The following AXDND1 variants were observed in gnomAD, a reference collection of about 807,000 sequenced individuals.
The protein encoded by AXDND1 is axonemal dynein light chain domain-containing protein 1.
AXDND1 carries 110 observed loss-of-function variants against 137.5 expected under a neutral mutation model. The observed-to-expected ratio is 0.80, with a 90% CI of 0.69 to 0.94. The LOEUF is 0.94. Among genes scored for constraint, AXDND1 ranks in the 40% least tolerant of loss-of-function variants. The pLI is 0.00. For missense variants in AXDND1, 1,191 were observed against 1,169.8 expected (o/e 1.02, Z -0.26); for synonymous variants, 414 against 399.7 (o/e 1.04, Z -0.43).
intron 12 of AXDND1, among the ~76,000 whole-genome samples, chr1:179,421,705 C>T (rs1655766086): frequency 1.3e-5 from 2 of 151,886 alleles, no homozygotes; most frequent in South Asian, 4.2e-4. Flanking sequence ...CTTATTTAGT[C>T]TAGCTAAAGC....
intron 15 of AXDND1, among the ~76,000 whole-genome samples, chr1:179,438,080 A>G (rs1247254948): frequency 6.6e-6 from 1 of 152,206 alleles, no homozygotes; most frequent in African/African-American, 2.4e-5. Flanking sequence ...TGAACCTGAG[A>G]GGCAGAGGTT....
chr1:179,396,592 G>A (rs551372605), intron 11 of AXDND1, among the ~76,000 whole-genome samples: 5 of 151,770 alleles, frequency 3.3e-5, no homozygotes, highest in African/African-American at 9.7e-5. Context: ...AGGTTGCAGT[G>A]AGCCGAGACT....
chr1:179,437,003 T>C (rs989576271), intron 15 of AXDND1, among the ~76,000 whole-genome samples: 5 of 150,388 alleles, frequency 3.3e-5, no homozygotes, highest in Non-Finnish European at 7.4e-5. Context: ...CTCTACTGTA[T>C]ATTACATTGT....
chr1:179,520,875 T>C (rs1669988352), intron 21 of AXDND1, among the ~76,000 whole-genome samples: 2 of 148,374 alleles, frequency 1.3e-5, no homozygotes, highest in Admixed American at 1.4e-4. Flanking sequence ...TATACAGTTA[T>C]ATATATATAC....
chr1:179,464,484 G>A (rs1662837822), intron 16 of AXDND1, among the ~76,000 whole-genome samples: 1 of 152,102 alleles, frequency 6.6e-6, no homozygotes, highest in African/African-American at 2.4e-5. Flanking sequence ...CAAGAGATCC[G>A]CTTTTAATCT....
At chr1:179,466,000 A>G (rs533400423) in intron 16 of AXDND1, among the ~76,000 whole-genome samples, 80 of 151,952 alleles carry the variant, frequency 5.3e-4, no homozygotes, top group African/African-American at 1.9e-3. Flanking sequence ...GAGTGTCCCA[A>G]TTTTCCAGGT....
chr1:179,474,216 C>CA (rs66935956), intron 17 of AXDND1, among the ~76,000 whole-genome samples: 1,510 of 91,844 alleles, frequency 0.016, 3 homozygotes, highest in Middle Eastern at 0.04. Context: ...GACTCCACCT[C>CA]AAAAAAAAAA....
intron 11 of AXDND1, among the ~76,000 whole-genome samples, chr1:179,398,857 C>T (rs1458485266): frequency 1.4e-5 from 2 of 143,496 alleles, no homozygotes; most frequent in Non-Finnish European, 3.0e-5. Flanking sequence ...GGATCAAAGC[C>T]TTGTGGCAGG....
At chr1:179,463,484 C>G (rs1326870969) in intron 16 of AXDND1, among the ~76,000 whole-genome samples, 1 of 152,158 alleles carries the variant, frequency 6.6e-6, no homozygotes, top group African/African-American at 2.4e-5. Context: ...GTCTGAGAGA[C>G]AGTTTGTTAT....
chr1:179,443,364 A>G lies in AXDND1; in HGVS notation c.1564-1606A>G, dbSNP rs188077478. ...GCTTTTAAGGACAAATTGGACTTTTAAAATTAATAACATCTTTTTTTATTG... is the reference window on the plus strand; with the variant it reads ...GCTTTTAAGGACAAATTGGACTTTTGAAATTAATAACATCTTTTTTTATTG... On this transcript the variant is annotated intron_variant, in intron 15 of 25. Transcript: ENST00000367618. Among the ~76,000 whole-genome samples, 806 of 152,340 alleles carry G rather than the reference A, an allele frequency of 5.3e-3. 9 individuals carry two copies. The highest frequency in any genetic ancestry group is 0.019 in the African/African-American group (782 of 41,566).
rs558374007 is a variant in AXDND1, at chr1:179,466,810, A to C, written c.1799-1633A>C. ...TTGAGACTCTGGATGATACTATATT[A>C]CATAAGAAGGATTTTACTTTTTATT... On this transcript the variant is annotated intron_variant, in intron 16 of 25. Coordinates refer to ENST00000367618, the MANE Select transcript of AXDND1 (RefSeq NM_144696.6). Among the ~76,000 whole-genome samples the C allele has an allele frequency of 3.9e-5, 6 of 152,300 alleles. No individual in the cohort carries two copies. The South Asian group carries it at 8.3e-4, about 21-fold the overall frequency.
chr1:179,458,302 A>G (rs961345347), intron 16 of AXDND1, among the ~76,000 whole-genome samples: 1 of 152,070 alleles, frequency 6.6e-6, no homozygotes, highest in Non-Finnish European at 1.5e-5. Context: ...TTTTATTCCT[A>G]GCTTCATAGC....
chr1:179,551,070 T>C, intron 25 of AXDND1: 1 of 1,450,720 alleles, frequency 6.9e-7, no homozygotes. Flanking sequence ...CCATTCCATA[T>C]GGCAACCAAA....
At chr1:179,412,065 A>T (rs1305939796) in intron 12 of AXDND1, among the ~76,000 whole-genome samples, 1 of 152,048 alleles carries the variant, frequency 6.6e-6, no homozygotes, top group African/African-American at 2.4e-5. Flanking sequence ...TGCCCTGGAT[A>T]GTCTTGAACT....
intron 11 of AXDND1, among the ~76,000 whole-genome samples, chr1:179,405,959 T>C (rs548511431): frequency 4.7e-4 from 71 of 152,198 alleles, no homozygotes; most frequent in African/African-American, 1.7e-3. Context: ...TAAACAATCA[T>C]TAGGTTGTTT....
At chr1:179,487,615 C>G (rs1666225891) in intron 18 of AXDND1, among the ~76,000 whole-genome samples, 1 of 148,620 alleles carries the variant, frequency 6.7e-6, no homozygotes, top group South Asian at 2.1e-4. Flanking sequence ...TTTTTAATGG[C>G]AGTCACTGCT....
chr1:179,463,632 G>A (rs1476302983), intron 16 of AXDND1, among the ~76,000 whole-genome samples: 1 of 152,346 alleles, frequency 6.6e-6, no homozygotes, highest in Non-Finnish European at 1.5e-5. Context: ...ATGTCAGTTA[G>A]GTCTGCTTGT....
rs1657190850 is a variant in AXDND1 at position 179,430,397 on chromosome 1, C to T, written c.1333-55C>T. The stretch of plus-strand genomic sequence containing the variant: ...ATAATGGCCTGGTATATGTTAATGA[C>T]TATTTGTTATATACATAAATGAATA... On this transcript the variant is annotated intron_variant, in intron 13 of 25. Transcript: ENST00000367618. The T allele has an allele frequency of 2.3e-6, 3 of 1,321,724 alleles. No homozygotes were observed. The African/African-American group carries it at 4.5e-5, about 20-fold the overall frequency. 81.9% of individuals were successfully genotyped at this position (1,321,724 alleles called of 1,614,324 possible).
intron 17 of AXDND1, among the ~76,000 whole-genome samples, chr1:179,479,511 C>T (rs1306727201): frequency 2.0e-5 from 3 of 148,966 alleles, no homozygotes; most frequent in Non-Finnish European, 4.4e-5. Flanking sequence ...GGTGTGGTGG[C>T]TCATGCCTGT....
Sources: allele counts gnomAD v4.1 joint callset (sites outside exome capture counted in the v4.1 genomes callset), GRCh38; gene constraint gnomAD v4.1.1; transcripts MANE v1.5; gene names NCBI Gene and HGNC (gene_info 2026-07-23, HGNC 2026-07-21).